The following MYO1B variants were observed in gnomAD, a reference collection of about 807,000 sequenced individuals.
MYO1B encodes myosin IB, also known as unconventional myosin-Ib.
A neutral mutation model predicts 159.7 loss-of-function variants in MYO1B; 72 were observed. The observed-to-expected ratio is 0.45, with a 90% CI of 0.37 to 0.55. The LOEUF (loss-of-function observed/expected upper bound fraction) is 0.55. Among genes scored for constraint, MYO1B ranks in the 20% least tolerant of loss-of-function variants. MYO1B has a pLI of 0.00. For synonymous variants in MYO1B, 468 were observed against 473.8 expected (o/e 0.99, Z 0.16); for missense variants, 1,062 against 1,364.8 (o/e 0.78, Z 3.50).
At chr2:191,313,191 G>GTT (rs1690115126) in intron 3 of MYO1B, among the ~76,000 whole-genome samples, 1 of 63,732 alleles carries the variant, frequency 1.6e-5, no homozygotes, top group Non-Finnish European at 3.3e-5. Flanking sequence ...GGCACACATG[G>GTT]CTTTTTTTTT....
intron 4 of MYO1B, among the ~76,000 whole-genome samples, chr2:191,337,833 G>T (rs988084088): frequency 2.6e-5 from 4 of 151,936 alleles, no homozygotes; most frequent in African/African-American, 9.7e-5. Context: ...CTCCATTTTT[G>T]ATTCTCCTCA....
At chr2:191,327,597 G>A (rs1284887656) in intron 3 of MYO1B, among the ~76,000 whole-genome samples, 1 of 152,194 alleles carries the variant, frequency 6.6e-6, no homozygotes, top group Non-Finnish European at 1.5e-5. Flanking sequence ...CTGCCTCTGT[G>A]TTCATTGTTT....
chr2:191,263,779 T>G (rs1337153884), intron 1 of MYO1B: 1 of 152,198 alleles, frequency 6.6e-6, no homozygotes, highest in East Asian at 1.9e-4. Flanking sequence ...GGGGGTGTTG[T>G]CAGTATGTCT....
intron 13 of MYO1B, 45 bp from the exon 14 acceptor site, chr2:191,381,417 C>G (rs1373736221): frequency 7.7e-7 from 1 of 1,295,094 alleles, no homozygotes; most frequent in Non-Finnish European, 1.1e-6. Flanking sequence ...TTTGAGAGAG[C>G]TAGTGGCATG....
intron 20 of MYO1B, among the ~76,000 whole-genome samples, chr2:191,394,084 A>T (rs999969473): frequency 1.3e-5 from 2 of 152,238 alleles, no homozygotes; most frequent in African/African-American, 4.8e-5. Context: ...TTTACAAATT[A>T]ATGAGGTATT....
chr2:191,396,445 A>G lies in MYO1B; in HGVS notation c.2243A>G (p.Gln748Arg), dbSNP rs1217505872. Residue 748 changes from glutamine (Q) to arginine (R), a missense_variant, in exon 21 of 31, where the codon CAG becomes CGG. This residue lies in a region of MYO1B where 609 missense variants were observed against 744.4 expected (regional missense o/e 0.82). Coordinates refer to ENST00000392318, the MANE Select transcript of MYO1B (RefSeq NM_001130158.3). The stretch of plus-strand genomic sequence containing the variant: ...ATCCTACAGCAACAAAAGAGGTACC[A>G]GCAGACAAAGAGTTCCGCCTTAGTA... ...YRRYAQQKRY[Q>R]QTKSSALVIQ... is the part of the protein sequence containing the mutation. The G allele has an allele frequency of 6.2e-7, 1 of 1,614,232 alleles. No homozygotes were observed. Among genetic ancestry groups the G allele is most frequent in the South Asian group, 1.1e-5 (1 of 91,086 alleles).
rs183999942 is a variant in MYO1B, at chr2:191,414,289, A to G, written c.3006+109A>G. On this transcript the variant is annotated intron_variant, in intron 28 of 30. Coordinates refer to ENST00000392318, the MANE Select transcript of MYO1B (RefSeq NM_001130158.3). The stretch of plus-strand genomic sequence containing the variant: ...TTTCATGTTCTCAGTAGAGTTAACT[A>G]TGAAGGCGGCTATTTCCCCTTACCT... 9.5e-6 allele frequency: 13 copies of G among 1,367,724 alleles called. No homozygotes were observed. In the East Asian group the frequency reaches 9.6e-5, roughly 10 times the overall value. 84.7% of individuals were successfully genotyped at this position (1,367,724 alleles called of 1,614,324 possible).
Position 191,296,116 on chromosome 2 carries a change from C to T in MYO1B, c.141C>T (p.Tyr47=). The T allele has an allele frequency of 6.4e-7, 1 of 1,570,760 alleles. No individual in the cohort carries two copies. Among genetic ancestry groups the T allele is most frequent in the Non-Finnish European group, 8.7e-7 (1 of 1,149,620 alleles). Residue 47 remains tyrosine (Y), a synonymous_variant, in exon 3 of 31, where the codon TAC becomes TAT. Transcript: ENST00000392318. ...KRFDHSEIYT[Y]IGSVVISVNP... ...TTTTGTTCTTTCTTTTGCAGACATA[C>T]ATTGGAAGTGTGGTTATATCTGTTA...
At position 191,329,564 on chromosome 2, in the gene MYO1B, G is replaced by A. The variant is rs1216242960; in HGVS notation, c.252-371G>A. 2.7e-5 allele frequency among the ~76,000 whole-genome samples: 4 copies of A among 149,302 alleles called. No homozygotes were observed. The East Asian group carries it at 7.8e-4, about 29-fold the overall frequency. ...GTTTAACAACCCATAAATGTAGCTTGCTGGGTTTATAAATAAATAAATTAT... is the reference window on the plus strand; with the variant it reads ...GTTTAACAACCCATAAATGTAGCTTACTGGGTTTATAAATAAATAAATTAT... On this transcript the variant is annotated intron_variant, in intron 3 of 30. Transcript: ENST00000392318.
chr2:191,349,547 G>T (rs1692780502), intron 6 of MYO1B, among the ~76,000 whole-genome samples: 1 of 152,188 alleles, frequency 6.6e-6, no homozygotes, highest in South Asian at 2.1e-4. Flanking sequence ...TAAACTCTAT[G>T]TGTGTTTCTG....
At chr2:191,255,929 G>C (rs1686416769) in intron 1 of MYO1B, among the ~76,000 whole-genome samples, 1 of 152,224 alleles carries the variant, frequency 6.6e-6, no homozygotes, top group African/African-American at 2.4e-5. Context: ...GTCGGAAGAA[G>C]ACTGCTCTGC....
intron 3 of MYO1B, among the ~76,000 whole-genome samples, chr2:191,314,999 G>A (rs114645812): frequency 6.6e-6 from 1 of 152,118 alleles, no homozygotes; most frequent in Non-Finnish European, 1.5e-5. Flanking sequence ...GCATACTGAA[G>A]ATTTTTCTAG....
chr2:191,245,933 G>C (rs1032696797), intron 1 of MYO1B: 1 of 152,262 alleles, frequency 6.6e-6, no homozygotes, highest in Admixed American at 6.5e-5. Context: ...GGGCAGAGTC[G>C]AATCTCGGCT....
rs539401117 is a variant in MYO1B at position 191,413,122 on chromosome 2, A to G, written c.2874-926A>G. ...GTTTAAGGTTTCATTTCCAACTTAT[A>G]TTTAGGACAGATGCAAGCGTAATGT... On this transcript the variant is annotated intron_variant, in intron 27 of 30. Coordinates refer to ENST00000392318, the MANE Select transcript of MYO1B (RefSeq NM_001130158.3). 2.0e-5 allele frequency among the ~76,000 whole-genome samples: 3 copies of G among 152,322 alleles called. No homozygotes were observed. In the South Asian group the frequency reaches 6.2e-4, roughly 32 times the overall value.
intron 30 of MYO1B, among the ~76,000 whole-genome samples, chr2:191,419,337 G>T (rs1421674562): frequency 6.6e-6 from 1 of 151,896 alleles, no homozygotes; most frequent in Non-Finnish European, 1.5e-5. Flanking sequence ...TCCTGCCTCA[G>T]CCTCCCGAGT....
chr2:191,302,425 C>T (rs1052678646), intron 3 of MYO1B, among the ~76,000 whole-genome samples: 5 of 152,182 alleles, frequency 3.3e-5, no homozygotes, highest in African/African-American at 1.2e-4. Flanking sequence ...TCAATGAAAT[C>T]AAAATGTACT....
At chr2:191,411,655 T>TGGTGCCCTTTGGTCTGC (rs1352301021) in intron 27 of MYO1B, among the ~76,000 whole-genome samples, 6 of 152,196 alleles carry the variant, frequency 3.9e-5, no homozygotes, top group African/African-American at 1.4e-4. Flanking sequence ...CACTGGTCTG[T>TGGTGCCCTTTGGTCTGC]GGTGCCCTTT....
intron 4 of MYO1B, among the ~76,000 whole-genome samples, chr2:191,334,389 G>A (rs1477811838): frequency 1.3e-5 from 2 of 152,026 alleles, no homozygotes; most frequent in African/African-American, 4.8e-5. Context: ...CTGAGTGGAG[G>A]TTGCTAGTGC....
chr2:191,300,656 A>C (rs377271006), intron 3 of MYO1B, among the ~76,000 whole-genome samples: 2 of 1,058 alleles, frequency 1.9e-3, no homozygotes, highest in African/African-American at 5.4e-3. Context: ...TTTTTTTTTT[A>C]AGAGATGAGG....
Sources: allele counts gnomAD v4.1 joint callset (sites outside exome capture counted in the v4.1 genomes callset), GRCh38; gene constraint gnomAD v4.1.1; regional missense constraint gnomAD v4.1.1; transcripts MANE v1.5; gene names NCBI Gene and HGNC (gene_info 2026-07-23, HGNC 2026-07-21).